ZFHX3: variants seen among roughly 807,000 people sequenced by gnomAD.
ZFHX3 encodes zinc finger homeobox protein 3.
Under a neutral mutation model 279.1 loss-of-function variants are expected in ZFHX3, and 42 were observed. That is an observed-to-expected ratio of 0.15 (90% CI 0.12 to 0.19). The LOEUF is 0.19. Among genes scored for constraint, ZFHX3 ranks in the 10% least tolerant of loss-of-function variants. The pLI is 1.00. For missense variants in ZFHX3, 4,981 were observed against 4,754.0 expected (o/e 1.05, Z -1.40); for synonymous variants, 2,293 against 1,957.8 (o/e 1.17, Z -4.52).
intron 1 of ZFHX3, among the ~76,000 whole-genome samples, chr16:73,858,651 G>A (rs1164895373): frequency 6.6e-6 from 1 of 152,152 alleles, no homozygotes; most frequent in African/African-American, 2.4e-5. Context: ...TTGCATTTGG[G>A]AGGAATAATT....
At chr16:73,818,986 C>T (rs1291035849) in intron 1 of ZFHX3, among the ~76,000 whole-genome samples, 1 of 152,072 alleles carries the variant, frequency 6.6e-6, no homozygotes, top group African/African-American at 2.4e-5. Flanking sequence ...TAGATTGGTA[C>T]TTTTGTCTGG....
intron 2 of ZFHX3, among the ~76,000 whole-genome samples, chr16:73,473,202 T>C (rs1405962823): frequency 2.0e-5 from 3 of 151,124 alleles, no homozygotes; most frequent in Non-Finnish European, 3.0e-5. Flanking sequence ...TTAGGCGTGA[T>C]GGTGTGTGTC....
intron 1 of ZFHX3, among the ~76,000 whole-genome samples, chr16:73,788,390 CT>C (rs1309501927): frequency 3.9e-5 from 6 of 152,190 alleles, no homozygotes; most frequent in African/African-American, 1.4e-4. Flanking sequence ...ATATAAGAGA[CT>C]TCGTGTCCTT....
At chr16:73,719,187 G>C (rs2053449084) in intron 1 of ZFHX3, among the ~76,000 whole-genome samples, 1 of 152,184 alleles carries the variant, frequency 6.6e-6, no homozygotes, top group Non-Finnish European at 1.5e-5. Flanking sequence ...TATTGAGTCT[G>C]AGTGATACCA....
chr16:73,319,749 C>T (rs1460588285), intron 3 of ZFHX3, among the ~76,000 whole-genome samples: 1 of 152,110 alleles, frequency 6.6e-6, no homozygotes, highest in South Asian at 2.1e-4. Context: ...AACGAAACCC[C>T]GCTTGAAAAA....
chr16:73,408,341 C>T (rs921609399), intron 3 of ZFHX3, among the ~76,000 whole-genome samples: 2 of 152,018 alleles, frequency 1.3e-5, no homozygotes, highest in Admixed American at 6.6e-5. Context: ...TCGGACAAGC[C>T]AGAGTCCCTG....
At chr16:72,844,072 G>C (rs1202641845) in intron 4 of ZFHX3, among the ~76,000 whole-genome samples, 3 of 152,056 alleles carry the variant, frequency 2.0e-5, no homozygotes, top group Admixed American at 6.5e-5. Context: ...TTCTGGAAAG[G>C]GGGGAATCCC....
At chr16:73,776,166 C>T (rs1959239851) in intron 1 of ZFHX3, among the ~76,000 whole-genome samples, 1 of 152,102 alleles carries the variant, frequency 6.6e-6, no homozygotes, top group Non-Finnish European at 1.5e-5. Flanking sequence ...TTGCAAATCG[C>T]GTTGTGCTTC....
chr16:73,566,367 G>A (rs1167687468), intron 2 of ZFHX3, among the ~76,000 whole-genome samples: 1 of 152,186 alleles, frequency 6.6e-6, no homozygotes, highest in Non-Finnish European at 1.5e-5. Context: ...CAAACTCAGT[G>A]GCTTACTGAG....
At chr16:72,971,405 T>C (rs1287799957) in intron 1 of ZFHX3, among the ~76,000 whole-genome samples, 2 of 152,164 alleles carry the variant, frequency 1.3e-5, no homozygotes, top group East Asian at 3.8e-4. Context: ...TTTCTGAACA[T>C]GTTGTTTTGT....
At chr16:73,348,667 T>C (rs574579407) in intron 3 of ZFHX3, among the ~76,000 whole-genome samples, 13 of 152,200 alleles carry the variant, frequency 8.5e-5, no homozygotes, top group South Asian at 2.1e-4. Context: ...ACAAGCCCAA[T>C]TGGCACAAGC....
chr16:73,648,698 C>G (rs778180570), intron 2 of ZFHX3, among the ~76,000 whole-genome samples: 2 of 152,286 alleles, frequency 1.3e-5, no homozygotes, highest in South Asian at 4.1e-4. Context: ...AAGTGTGAGC[C>G]ACCGTGCTCA....
intron 2 of ZFHX3, among the ~76,000 whole-genome samples, chr16:73,492,121 C>G (rs1395870860): frequency 6.6e-6 from 1 of 152,212 alleles, no homozygotes; most frequent in Admixed American, 6.5e-5. Context: ...GTCCAACCAT[C>G]TCCTTACATG....
chr16:73,496,844 C>T (rs1297944758), intron 2 of ZFHX3, among the ~76,000 whole-genome samples: 2 of 152,180 alleles, frequency 1.3e-5, no homozygotes, highest in Non-Finnish European at 2.9e-5. Flanking sequence ...GGCTTCCCCT[C>T]GCCTCCTCCC....
intron 2 of ZFHX3, among the ~76,000 whole-genome samples, chr16:73,503,967 G>T (rs2019280591): frequency 6.6e-6 from 1 of 152,140 alleles, no homozygotes; most frequent in South Asian, 2.1e-4. Flanking sequence ...AAATAGTTTT[G>T]TATTCCAAAA....
intron 3 of ZFHX3, among the ~76,000 whole-genome samples, chr16:72,939,539 G>C (rs930082939): frequency 1.3e-5 from 2 of 152,212 alleles, no homozygotes; most frequent in Non-Finnish European, 2.9e-5. Flanking sequence ...AAGGGCAAAA[G>C]GGGTCTGGGA....
Position 73,131,031 on chromosome 16 carries a change from G to A in ZFHX3, c.-960C>T, listed in dbSNP as rs760541722. 1.8e-5 allele frequency: 23 copies of A among 1,296,278 alleles called. No individual in the cohort carries two copies. In the Admixed American group the frequency reaches 5.3e-4, roughly 30 times the overall value. The allele number at this position is 1,296,278 out of a possible 1,614,324, so 80.3% of individuals were successfully genotyped here. A position where few individuals can be genotyped will look rare whatever the true frequency, so the allele number is the denominator to read the frequency against. On this transcript the variant is annotated 5_prime_UTR_variant, in exon 7 of 18. Coordinates refer to the ZFHX3 transcript ENST00000641206. ...CTGGTTCTGGAGTTAGACCCCCTGG[G>A]CTCCAATCCAGGTCCTGTCCCTTGC...
chr16:72,900,391 G>A (rs912420339), intron 3 of ZFHX3, among the ~76,000 whole-genome samples: 1 of 152,138 alleles, frequency 6.6e-6, no homozygotes, highest in Non-Finnish European at 1.5e-5. Flanking sequence ...CGTGTCTACT[G>A]GTCAAAACGG....
At chr16:73,540,861 G>C (rs2019998641) in intron 2 of ZFHX3, among the ~76,000 whole-genome samples, 1 of 152,178 alleles carries the variant, frequency 6.6e-6, no homozygotes, top group South Asian at 2.1e-4. Flanking sequence ...TGAGGGCTGG[G>C]CTGAGCCTAG....
Sources: allele counts gnomAD v4.1 joint callset (sites outside exome capture counted in the v4.1 genomes callset), GRCh38; gene constraint gnomAD v4.1.1; transcripts MANE v1.5; gene names NCBI Gene and HGNC (gene_info 2026-07-23, HGNC 2026-07-21).